Variants in RAP1B observed in about 807,000 individuals in gnomAD.
RAP1B encodes the protein RAP1B, member of RAS oncogene family.
Under a neutral mutation model 27.5 loss-of-function variants are expected in RAP1B, and 1 was observed. The observed-to-expected ratio is 0.04, with a 90% CI of 0.01 to 0.17. The LOEUF (loss-of-function observed/expected upper bound fraction) is 0.17, where lower values mean the gene tolerates loss of function less well. RAP1B is among the 10% of genes least tolerant of loss of function. The pLI is 1.00. For synonymous variants in RAP1B, 75 were observed against 73.1 expected, an observed-to-expected ratio of 1.03 and a Z score of -0.13; for missense variants, 84 against 214.8, an observed-to-expected ratio of 0.39 and a Z score of 3.81.
chr12:68,624,937 C>G (rs893350545), intron 1 of RAP1B: 1 of 152,244 alleles, frequency 6.6e-6, no homozygotes, highest in African/African-American at 2.4e-5. Flanking sequence ...TGCCCACTTT[C>G]CATGTGTTCT....
intron 4 of RAP1B, among the ~76,000 whole-genome samples, chr12:68,653,083 C>T (rs906309662): frequency 6.6e-6 from 1 of 152,034 alleles, no homozygotes; most frequent in Non-Finnish European, 1.5e-5. Flanking sequence ...GTGGCAGGCA[C>T]CTGTAGTCCC....
chr12:68,669,573 G>GGGGC lies in RAP1B; in HGVS notation c.*10327_*10330dup, dbSNP rs1874992525. 6.6e-6 allele frequency: 1 copy of GGGGC among 152,026 alleles called. No individual in the cohort carries two copies. The highest frequency in any genetic ancestry group is 1.5e-5 in the Non-Finnish European group (1 of 68,044). 9.4% of individuals were successfully genotyped at this position (152,026 alleles called of 1,614,324 possible). On this transcript the variant is annotated 3_prime_UTR_variant, in exon 8 of 8. Transcript: ENST00000250559. ...ATCCCAGCACTTTCGGAGGCCGAGG[G>GGGGC]GGGCGGATCACGAGGTCAGGAGATG...
At chr12:68,612,662 G>A (rs1341484836) in intron 1 of RAP1B, among the ~76,000 whole-genome samples, 1 of 152,086 alleles carries the variant, frequency 6.6e-6, no homozygotes, top group African/African-American at 2.4e-5. Context: ...AGTCAAATAG[G>A]AGAAAAAACC....
chr12:68,650,484 G>T lies in RAP1B; in HGVS notation c.126+16G>T. 2.0e-6 allele frequency: 3 copies of T among 1,476,154 alleles called. No homozygotes were observed. Among genetic ancestry groups the T allele is most frequent in the Admixed American group, 2.5e-5 (1 of 40,272 alleles). The allele number at this position is 1,476,154 out of a possible 1,614,324, so 91.4% of individuals were successfully genotyped here. A position where few individuals can be genotyped will look rare whatever the true frequency, so the allele number is the denominator to read the frequency against. On this transcript the variant is annotated intron_variant, in intron 3 of 7. Transcript: ENST00000250559. ...TTATAGAAAGGTATATATTACTTTG[G>T]AAGGCCTTTTGCTTTTGATTTTAAT...
intron 1 of RAP1B, among the ~76,000 whole-genome samples, chr12:68,633,458 A>G (rs1216866177): frequency 5.9e-5 from 9 of 152,376 alleles, no homozygotes; most frequent in Middle Eastern, 3.4e-3. Flanking sequence ...GAGCTAACAC[A>G]GCGCAAACAC....
intron 1 of RAP1B, chr12:68,642,655 A>C: frequency 2.7e-6 from 3 of 1,128,582 alleles, no homozygotes; most frequent in Non-Finnish European, 2.7e-6. Context: ...TCTGTTTCTC[A>C]TATTCTACAA....
At chr12:68,652,116 T>C in intron 4 of RAP1B, 65 bp downstream of exon 4, 1 of 1,222,506 alleles carries the variant, frequency 8.2e-7, no homozygotes, top group Admixed American at 1.8e-5. Flanking sequence ...TAAATGCTAG[T>C]ACTCTATAGA....
rs1001158449 is a variant in RAP1B at position 68,626,528 on chromosome 12, T to C, written c.-27+15485T>C. ...CCAGTCTCAGTCATCCCTTTGGAGG[T>C]AGTGTCTCATTTTTAATCTGTGACT... On this transcript the variant is annotated intron_variant, in intron 1 of 7. Transcript: ENST00000250559. Among the ~76,000 whole-genome samples the C allele has an allele frequency of 3.9e-5, 6 of 152,102 alleles. No homozygotes were observed. In the East Asian group the frequency reaches 1.2e-3, roughly 29 times the overall value.
At chr12:68,644,596 C>T (rs1050820292) in intron 1 of RAP1B, among the ~76,000 whole-genome samples, 2 of 150,036 alleles carry the variant, frequency 1.3e-5, no homozygotes, top group Non-Finnish European at 3.0e-5. Flanking sequence ...AAAAAAAAGT[C>T]GAGCAGTGAT....
chr12:68,633,387 C>T (rs1213896608), intron 1 of RAP1B, among the ~76,000 whole-genome samples: 2 of 152,176 alleles, frequency 1.3e-5, no homozygotes, highest in Non-Finnish European at 2.9e-5. Context: ...TATAGATAGA[C>T]AATTGTTCTC....
At chr12:68,624,838 C>T (rs1332508313) in intron 1 of RAP1B, 1 of 152,254 alleles carries the variant, frequency 6.6e-6, no homozygotes, top group African/African-American at 2.4e-5. Context: ...AACAAAAGCT[C>T]CTCGATGGAA....
chr12:68,648,987 C>T (rs868319908), intron 2 of RAP1B: 22 of 497,618 alleles, frequency 4.4e-5, no homozygotes, highest in Admixed American at 7.4e-5. Flanking sequence ...CAGAATGACA[C>T]GAGTTATGCT....
chr12:68,616,777 G>A (rs1347285814), intron 1 of RAP1B, among the ~76,000 whole-genome samples: 1 of 151,910 alleles, frequency 6.6e-6, no homozygotes, highest in East Asian at 1.9e-4. Flanking sequence ...TGTTGCCCAA[G>A]CTCACCTCAA....
At chr12:68,619,391 T>C (rs1272942747) in intron 1 of RAP1B, among the ~76,000 whole-genome samples, 1 of 152,254 alleles carries the variant, frequency 6.6e-6, no homozygotes, top group Non-Finnish European at 1.5e-5. Flanking sequence ...TCTGTCATTA[T>C]TTGATTATCT....
At position 68,650,482 on chromosome 12, in the gene RAP1B, T is replaced by C. The variant is rs1449457092; in HGVS notation, c.126+14T>C. 9 of 1,482,588 alleles carry C rather than the reference T, an allele frequency of 6.1e-6. No individual in the cohort carries two copies. The highest frequency in any genetic ancestry group is 2.7e-5 in the South Asian group (2 of 73,568). The allele number at this position is 1,482,588 out of a possible 1,614,324, so 91.8% of individuals were successfully genotyped here. A position where few individuals can be genotyped will look rare whatever the true frequency, so the allele number is the denominator to read the frequency against. On this transcript the variant is annotated intron_variant, in intron 3 of 7. Transcript: ENST00000250559. ...TCTTATAGAAAGGTATATATTACTT[T>C]GGAAGGCCTTTTGCTTTTGATTTTA...
At position 68,651,897 on chromosome 12, in the gene RAP1B, CTG is replaced by C. The variant is rs1201489538; in HGVS notation, c.127-92_127-91del. ...TATTAGTTTGTAAAGTTGTTAAAAT[CTG>C]TGTGTCTTATTTTTGATACATTAGC... On this transcript the variant is annotated intron_variant, in intron 3 of 7. Transcript: ENST00000250559. 9 of 872,876 alleles carry C rather than the reference CTG, an allele frequency of 1.0e-5. No individual in the cohort carries two copies. In the East Asian group the frequency reaches 1.5e-4, roughly 15 times the overall value. The allele number at this position is 872,876 out of a possible 1,614,324, so 54.1% of individuals were successfully genotyped here.
At chr12:68,622,471 A>G (rs957370593) in intron 1 of RAP1B, among the ~76,000 whole-genome samples, 5 of 152,128 alleles carry the variant, frequency 3.3e-5, no homozygotes, top group African/African-American at 1.2e-4. Flanking sequence ...CTTTATCCCC[A>G]TTACTCACTA....
intron 1 of RAP1B, among the ~76,000 whole-genome samples, chr12:68,630,528 G>C (rs1872157976): frequency 6.6e-6 from 1 of 152,066 alleles, no homozygotes; most frequent in South Asian, 2.1e-4. Context: ...CAAATAATTA[G>C]GTGTCTTCCA....
chr12:68,648,498 G>T (rs1028696600), intron 1 of RAP1B, among the ~76,000 whole-genome samples: 3 of 152,118 alleles, frequency 2.0e-5, no homozygotes, highest in Non-Finnish European at 2.9e-5. Context: ...CCTGGATCGG[G>T]CTCAAAGTCA....
Sources: gnomAD v4.1 joint callset for allele counts (sites outside exome capture counted in the v4.1 genomes callset) on GRCh38, gnomAD v4.1.1 for gene constraint, MANE v1.5 for transcripts, NCBI Gene and HGNC (gene_info 2026-07-23, HGNC 2026-07-21) for gene names.